USH2A: variants seen among roughly 807,000 people sequenced by gnomAD.
USH2A encodes Usher syndrome 2A (autosomal recessive, mild).
In USH2A, 443 loss-of-function variants were observed where a neutral mutation model predicts 538.9. That is an observed-to-expected ratio of 0.82 (90% CI 0.76 to 0.89). The LOEUF (loss-of-function observed/expected upper bound fraction) is 0.89, where lower values mean the gene tolerates loss of function less well. Among genes scored for constraint, USH2A ranks in the 40% least tolerant of loss-of-function variants. USH2A has a pLI of 0.00. For synonymous variants in USH2A, 2,413 were observed against 2,273.5 expected, an observed-to-expected ratio of 1.06 and a Z score of -1.75; for missense variants, 6,633 against 6,324.8, an observed-to-expected ratio of 1.05 and a Z score of -1.65.
rs1460232819 is a variant in USH2A, at chr1:215,888,891, T to C, written c.7758A>G (p.Thr2586=). ...CAGTGTATGGGTGTAAATGCATCAC[T>C]GTGCAATTAGTGACATTTCCAGGAG... ...LRTPGNVTNC[T]VMHLHPYTAY... Residue 2586 remains threonine, a synonymous_variant, in exon 41 of 72, where the codon ACA becomes ACG. Transcript: ENST00000307340. 3 of 1,614,142 alleles carry C rather than the reference T, an allele frequency of 1.9e-6. No homozygotes were observed. Among genetic ancestry groups the C allele is most frequent in the South Asian group, 1.1e-5 (1 of 91,078 alleles).
intron 41 of USH2A, among the ~76,000 whole-genome samples, chr1:215,886,354 G>A (rs1230207105): frequency 1.3e-5 from 2 of 152,094 alleles, no homozygotes; most frequent in African/African-American, 2.4e-5. Flanking sequence ...TCACGAGAAC[G>A]TCCACTTCGG....
At chr1:215,795,617 C>A (rs939863416) in intron 50 of USH2A, among the ~76,000 whole-genome samples, 1 of 152,184 alleles carries the variant, frequency 6.6e-6, no homozygotes. Flanking sequence ...CATTTTTAAA[C>A]TCTGATGTAT....
chr1:215,895,526 CAT>C (rs935920056), intron 40 of USH2A, among the ~76,000 whole-genome samples: 3 of 152,180 alleles, frequency 2.0e-5, no homozygotes, highest in Non-Finnish European at 4.4e-5. Context: ...ATTGACCTCA[CAT>C]TGCCTTTCTG....
chr1:216,390,550 T>C (rs576304317), intron 3 of USH2A, among the ~76,000 whole-genome samples: 2 of 152,306 alleles, frequency 1.3e-5, no homozygotes, highest in South Asian at 4.1e-4. Flanking sequence ...CATTCTACTG[T>C]TCAATTAAAA....
chr1:216,058,205 G>C lies in USH2A; in HGVS notation c.6050-9558C>G, dbSNP rs1002862629. 3.1e-5 allele frequency among the ~76,000 whole-genome samples: 4 copies of C among 127,842 alleles called. 1 individual carries two copies. The highest frequency in any genetic ancestry group is 6.8e-5 in the Non-Finnish European group (4 of 58,838). The allele number at this position is 127,842 out of a possible 152,430, so 83.9% of individuals were successfully genotyped here. ...CCTATGAACATCCCGCCTCTGCATT[G>C]ACTTACTGTGGACACCTATTACCAG... On this transcript the variant is annotated intron_variant, in intron 30 of 71. Coordinates refer to ENST00000307340, the MANE Select transcript of USH2A (RefSeq NM_206933.4).
intron 60 of USH2A, among the ~76,000 whole-genome samples, chr1:215,738,929 T>G (rs771490690): frequency 6.6e-6 from 1 of 152,186 alleles, no homozygotes; most frequent in Non-Finnish European, 1.5e-5. Flanking sequence ...ACTATGTGTC[T>G]CCATTCTATT....
Position 216,198,498 on chromosome 1 carries a change from T to C in USH2A, c.3898A>G (p.Ser1300Gly). 1 of 1,614,008 alleles carries C rather than the reference T, an allele frequency of 6.2e-7. No individual in the cohort carries two copies. Among genetic ancestry groups the C allele is most frequent in the South Asian group, 1.1e-5 (1 of 91,078 alleles). The change falls in exon 18 of 72, where the codon AGT becomes GGT. Residue 1300 changes from serine to glycine, a missense_variant. Transcript: ENST00000307340. The stretch of plus-strand genomic sequence containing the variant: ...AATGAATGAGGACTGAGCCAACCAC[T>C]GCTCTGAAAAACTCGACTTTCCTCA... ...TSEESRVFQS[S>G]GWLSPHSFVE...
intron 16 of USH2A, among the ~76,000 whole-genome samples, chr1:216,204,650 T>G (rs1290978038): frequency 6.6e-6 from 1 of 152,196 alleles, no homozygotes; most frequent in Non-Finnish European, 1.5e-5. Flanking sequence ...CCACCTATAA[T>G]TCCTAATGCC....
intron 20 of USH2A, among the ~76,000 whole-genome samples, chr1:216,182,890 G>A (rs1423082811): frequency 6.6e-6 from 1 of 152,074 alleles, no homozygotes; most frequent in East Asian, 1.9e-4. Context: ...TTCAACCAGG[G>A]TACCTGTTTG....
At chr1:215,677,401 C>T (rs896802947) in intron 62 of USH2A, among the ~76,000 whole-genome samples, 5 of 152,132 alleles carry the variant, frequency 3.3e-5, no homozygotes, top group Admixed American at 6.6e-5. Flanking sequence ...ACTTCCCATC[C>T]CACAGTCTCC....
chr1:215,885,744 G>A (rs111754349), intron 41 of USH2A, among the ~76,000 whole-genome samples: 2 of 152,204 alleles, frequency 1.3e-5, no homozygotes, highest in African/African-American at 4.8e-5. Context: ...CTAAGTATGT[G>A]TTGTCTCTCT....
chr1:216,332,675 G>T (rs2037892522), intron 4 of USH2A, among the ~76,000 whole-genome samples: 1 of 152,086 alleles, frequency 6.6e-6, no homozygotes, highest in Non-Finnish European at 1.5e-5. Context: ...AAATGTATTG[G>T]TTCTAGGCAT....
chr1:216,360,702 TA>T (rs891254668), intron 4 of USH2A, among the ~76,000 whole-genome samples: 6 of 123,670 alleles, frequency 4.9e-5, no homozygotes, highest in South Asian at 2.4e-4. Flanking sequence ...AAAATTGCTC[TA>T]AAAAAATAGT....
chr1:215,802,410 T>A (rs58427240), intron 49 of USH2A, among the ~76,000 whole-genome samples: 6,790 of 152,050 alleles, frequency 0.045, 257 homozygotes, highest in South Asian at 0.14. Context: ...CTTCTATAAC[T>A]CAAAAACATG....
chr1:216,155,457 A>G (rs1363108938), intron 21 of USH2A, among the ~76,000 whole-genome samples: 2 of 152,126 alleles, frequency 1.3e-5, no homozygotes, highest in South Asian at 2.1e-4. Context: ...AACTGATCCC[A>G]CCTGGACTAA....
intron 12 of USH2A, among the ~76,000 whole-genome samples, chr1:216,248,962 G>A (rs1187342774): frequency 6.6e-6 from 1 of 151,986 alleles, no homozygotes; most frequent in African/African-American, 2.4e-5. Flanking sequence ...AATTATTGGT[G>A]CTAATGTATT....
At position 215,624,428 on chromosome 1, in the gene USH2A, T is replaced by C. The variant is rs76006507; in HGVS notation, c.*1353A>G. The C allele has an allele frequency of 6.6e-6, 1 of 152,194 alleles. No homozygotes were observed. The highest frequency in any genetic ancestry group is 2.4e-5 in the African/African-American group (1 of 41,464). 9.4% of individuals were successfully genotyped at this position (152,194 alleles called of 1,614,324 possible). A position where few individuals can be genotyped will look rare whatever the true frequency, so the allele number is the denominator to read the frequency against. ...TACTTTACAAGTTTTTGCCTGTCTC[T>C]GGTTGTAGATTCACAAAAAGTATTG... On this transcript the variant is annotated 3_prime_UTR_variant, in exon 72 of 72. Transcript: ENST00000307340.
At chr1:215,961,623 T>C (rs542172872) in intron 37 of USH2A, among the ~76,000 whole-genome samples, 77 of 151,754 alleles carry the variant, frequency 5.1e-4, no homozygotes, top group African/African-American at 1.8e-3. Context: ...TACAAGGCAA[T>C]AAAATATATT....
intron 2 of USH2A, among the ~76,000 whole-genome samples, chr1:216,420,322 T>C (rs546522358): frequency 1.3e-5 from 2 of 152,236 alleles, no homozygotes; most frequent in African/African-American, 4.8e-5. Context: ...TGTTTGCTTG[T>C]AAACATACTA....
Sources: gnomAD v4.1 joint callset for allele counts (sites outside exome capture counted in the v4.1 genomes callset) on GRCh38, gnomAD v4.1.1 for gene constraint, MANE v1.5 for transcripts, NCBI Gene and HGNC (gene_info 2026-07-23, HGNC 2026-07-21) for gene names.